Variants in CACNA1E observed in about 807,000 individuals in gnomAD.
The protein encoded by CACNA1E is calcium voltage-gated channel subunit alpha1 E.
CACNA1E carries 40 observed loss-of-function variants against 259.2 expected under a neutral mutation model. The observed-to-expected ratio is 0.15, with a 90% CI of 0.12 to 0.20. CACNA1E has a LOEUF of 0.20. CACNA1E is among the 10% of genes least tolerant of loss of function. The pLI is 1.00. For synonymous variants in CACNA1E, 1,104 were observed against 1,138.5 expected (o/e 0.97, Z 0.61); for missense variants, 1,874 against 3,040.1 (o/e 0.62, Z 9.02).
At chr1:181,631,674 A>T (rs1376444553) in intron 6 of CACNA1E, among the ~76,000 whole-genome samples, 1 of 152,132 alleles carries the variant, frequency 6.6e-6, no homozygotes, top group African/African-American at 2.4e-5. Flanking sequence ...GTGTGAAGTA[A>T]ACCCTGGAGC....
At chr1:181,578,545 C>T (rs1014940445) in intron 4 of CACNA1E, among the ~76,000 whole-genome samples, 21 of 152,108 alleles carry the variant, frequency 1.4e-4, no homozygotes, top group Middle Eastern at 3.2e-3. Context: ...CCAGCCTTGG[C>T]GACAGACCGA....
chr1:181,542,723 A>T (rs6424817), intron 3 of CACNA1E, among the ~76,000 whole-genome samples: 11,874 of 151,848 alleles, frequency 0.078, 1,588 homozygotes, highest in African/African-American at 0.27. Context: ...CTTATAAATT[A>T]CCCAGTCCCG....
At chr1:181,797,757 C>G (rs930054080) in intron 47 of CACNA1E, among the ~76,000 whole-genome samples, 2 of 152,304 alleles carry the variant, frequency 1.3e-5, no homozygotes, top group South Asian at 2.1e-4. Flanking sequence ...GCAAGTATGG[C>G]CTGAGCCAAC....
intron 3 of CACNA1E, among the ~76,000 whole-genome samples, chr1:181,549,614 C>T (rs146458631): frequency 1.5e-3 from 228 of 152,310 alleles, no homozygotes; most frequent in African/African-American, 5.2e-3. Context: ...AAGTGACTGT[C>T]TAAAGGGGGA....
chr1:181,597,559 G>A (rs774907260), intron 6 of CACNA1E, among the ~76,000 whole-genome samples: 4 of 152,128 alleles, frequency 2.6e-5, no homozygotes. Flanking sequence ...GTGTGCCCAG[G>A]CACAGTGCTG....
intron 25 of CACNA1E, 83 bp from the exon 26 acceptor site, chr1:181,750,393 T>C: frequency 8.3e-7 from 1 of 1,207,432 alleles, no homozygotes; most frequent in Non-Finnish European, 1.2e-6. Context: ...GTTCTGACTG[T>C]CTTTCTTCTC....
intron 25 of CACNA1E, among the ~76,000 whole-genome samples, chr1:181,747,380 T>C (rs1472025279): frequency 6.6e-6 from 1 of 151,852 alleles, no homozygotes; most frequent in African/African-American, 2.4e-5. Flanking sequence ...ACATGAAAGA[T>C]CTGGAGGGCA....
chr1:181,602,423 C>T (rs1260877614), intron 6 of CACNA1E, among the ~76,000 whole-genome samples: 5 of 152,134 alleles, frequency 3.3e-5, no homozygotes, highest in Non-Finnish European at 5.9e-5. Context: ...AATGTGAAAT[C>T]TGAAATGCTC....
At chr1:181,706,131 C>A (rs533568002) in intron 7 of CACNA1E, among the ~76,000 whole-genome samples, 41 of 152,268 alleles carry the variant, frequency 2.7e-4, no homozygotes, top group Admixed American at 2.6e-3. Context: ...GAACACTCTT[C>A]TTCTATAGGC....
rs533129857 is a variant in CACNA1E, at chr1:181,728,875, C to T, written c.2241-2300C>T. On this transcript the variant is annotated intron_variant, in intron 18 of 47. Coordinates refer to ENST00000367573, the MANE Select transcript of CACNA1E (RefSeq NM_001205293.3). ...TGCTCAGGTGTGTGTGCATTTTGCT[C>T]GGGTGTGTGTGCCCTGCTCAGCTGT... Among the ~76,000 whole-genome samples, 13 of 138,042 alleles carry T rather than the reference C, an allele frequency of 9.4e-5. No homozygotes were observed. In the East Asian group the frequency reaches 1.1e-3, roughly 12 times the overall value. The allele number at this position is 138,042 out of a possible 152,430, so 90.6% of individuals were successfully genotyped here.
chr1:181,378,190 A>G (rs1441599275), intron 1 of CACNA1E, among the ~76,000 whole-genome samples: 1 of 152,234 alleles, frequency 6.6e-6, no homozygotes. Flanking sequence ...ATATAGGTGT[A>G]ATAATAATAA....
At chr1:181,644,028 T>G (rs1489096555) in intron 6 of CACNA1E, among the ~76,000 whole-genome samples, 1 of 152,182 alleles carries the variant, frequency 6.6e-6, no homozygotes, top group Non-Finnish European at 1.5e-5. Flanking sequence ...TGGCAGCAGG[T>G]GCCTATGTTT....
Position 181,758,949 on chromosome 1 carries a change from G to A in CACNA1E, c.4605+81G>A, listed in dbSNP as rs1047431923. ...CCCAGTCTTTGTTGAAGGGGAGGTG[G>A]TTACTGCTATTCCAGAAATCACCCA... On this transcript the variant is annotated intron_variant, in intron 32 of 47. Transcript: ENST00000367573. This position sits in a 1 kb window ranked among gnomAD's most constrained non-coding sequence, Gnocchi z 4.2. 8.9e-6 allele frequency: 7 copies of A among 784,352 alleles called. No homozygotes were observed. Among genetic ancestry groups the A allele is most frequent in the Admixed American group, 6.3e-5 (3 of 47,656 alleles). The allele number at this position is 784,352 out of a possible 1,614,324, so 48.6% of individuals were successfully genotyped here.
chr1:181,447,262 C>T (rs933655456), intron 2 of CACNA1E, among the ~76,000 whole-genome samples: 2 of 151,882 alleles, frequency 1.3e-5, no homozygotes, highest in Non-Finnish European at 2.9e-5. Flanking sequence ...CATGGTGGCT[C>T]ATGCCTTCAT....
intron 6 of CACNA1E, among the ~76,000 whole-genome samples, chr1:181,599,084 C>T (rs955553178): frequency 1.3e-5 from 2 of 152,144 alleles, no homozygotes; most frequent in South Asian, 4.1e-4. Flanking sequence ...CATCCACTAG[C>T]TATTCTTCCT....
At chr1:181,570,087 GA>G (rs1312212121) in intron 3 of CACNA1E, among the ~76,000 whole-genome samples, 3 of 152,088 alleles carry the variant, frequency 2.0e-5, no homozygotes, top group Non-Finnish European at 4.4e-5. Flanking sequence ...TCATTTTATA[GA>G]TAAGGAAACT....
chr1:181,402,921 T>C (rs1299352475), intron 1 of CACNA1E, among the ~76,000 whole-genome samples: 1 of 152,254 alleles, frequency 6.6e-6, no homozygotes, highest in Admixed American at 6.5e-5. Context: ...CTTGGGTAAC[T>C]TTCTGTGCCC....
At chr1:181,565,572 T>C (rs776529737) in intron 3 of CACNA1E, among the ~76,000 whole-genome samples, 8 of 152,214 alleles carry the variant, frequency 5.3e-5, no homozygotes, top group Non-Finnish European at 8.8e-5. Flanking sequence ...CTGCCCCTGA[T>C]CCTGTTAACT....
rs531481779 is a variant in CACNA1E, at chr1:181,350,428, C to T, written c.-15+32305C>T. On this transcript the variant is annotated intron_variant, in intron 1 of 11. Transcript: ENST00000524607. ...GCTTTAAGCACCCCTCCTCTTTTCTCCTGCTCTTTTTCTGCTTCCTCTCCT... is the reference window on the plus strand; with the variant it reads ...GCTTTAAGCACCCCTCCTCTTTTCTTCTGCTCTTTTTCTGCTTCCTCTCCT... 1.5e-4 allele frequency among the ~76,000 whole-genome samples: 23 copies of T among 152,318 alleles called. No homozygotes were observed. In the South Asian group the frequency reaches 1.7e-3, roughly 11 times the overall value.
Sources: allele counts gnomAD v4.1 joint callset (sites outside exome capture counted in the v4.1 genomes callset), GRCh38; gene constraint gnomAD v4.1.1; non-coding constraint Gnocchi (gnomAD v3.1); transcripts MANE v1.5; gene names NCBI Gene and HGNC (gene_info 2026-07-23, HGNC 2026-07-21).